Variants in CFAP54 observed in about 807,000 individuals in gnomAD.
CFAP54 encodes cilia- and flagella-associated protein 54.
In CFAP54, 290 loss-of-function variants were observed where a neutral mutation model predicts 370.4. The ratio of observed to expected loss-of-function variants is 0.78; its 90% CI spans 0.71 to 0.86. The LOEUF (loss-of-function observed/expected upper bound fraction) is 0.86. CFAP54 is among the 40% of genes least tolerant of loss of function. CFAP54 has a pLI of 0.00. For missense variants in CFAP54, 3,399 were observed against 3,528.7 expected, an observed-to-expected ratio of 0.96 and a Z score of 0.93; for synonymous variants, 1,206 against 1,236.5, an observed-to-expected ratio of 0.98 and a Z score of 0.52.
Position 96,691,144 on chromosome 12 carries a change from C to A in CFAP54, c.6098C>A (p.Thr2033Lys). The A allele has an allele frequency of 2.5e-6, 4 of 1,613,248 alleles. No homozygotes were observed. Among genetic ancestry groups the A allele is most frequent in the Non-Finnish European group, 3.4e-6 (4 of 1,179,610 alleles). ...CATTTTCAGGGTTTGCTTAGAACAA[C>A]ACTTCCACATCCCAAAGCTGAACGT... Reference protein sequence around the residue: ...ALLFQGLLRTTLPHPKAERCY... With the variant: ...ALLFQGLLRTKLPHPKAERCY... The change falls in exon 44 of 68, where the codon ACA (threonine) becomes AAA (lysine). Residue 2033 changes from threonine (T) to lysine (K), a missense_variant. This residue lies in a region of CFAP54 where 2,796 missense variants were observed against 2,869.7 expected (regional missense o/e 0.97). Coordinates refer to ENST00000524981, the MANE Select transcript of CFAP54 (RefSeq NM_001306084.2).
At chr12:96,511,184 A>G (rs1267142802) in intron 4 of CFAP54, among the ~76,000 whole-genome samples, 3 of 152,148 alleles carry the variant, frequency 2.0e-5, no homozygotes, top group Non-Finnish European at 4.4e-5. Context: ...AATTTAGGGT[A>G]CTATACATTT....
chr12:96,509,653 T>G (rs888599078), intron 4 of CFAP54, among the ~76,000 whole-genome samples: 10 of 151,930 alleles, frequency 6.6e-5, no homozygotes, highest in African/African-American at 2.4e-4. Flanking sequence ...GGGTCTCTAC[T>G]AAAAGTACAA....
At chr12:96,554,600 G>A in intron 16 of CFAP54, 76 bp from the exon 17 acceptor site, 1 of 1,330,130 alleles carries the variant, frequency 7.5e-7, no homozygotes, top group Non-Finnish European at 1.0e-6. Flanking sequence ...GATAACTTGA[G>A]TGATAATAGT....
chr12:96,809,180 T>C (rs1161361747), intron 63 of CFAP54, among the ~76,000 whole-genome samples: 1 of 152,172 alleles, frequency 6.6e-6, no homozygotes, highest in East Asian at 1.9e-4. Context: ...CTTTCATCTG[T>C]TGTGCTGGAT....
In CFAP54 at chr12:96,658,351, G is replaced by GTTCTA; in HGVS notation, c.5460+7_5460+8insCTATT. 6.2e-7 allele frequency: 1 copy of GTTCTA among 1,611,324 alleles called. No homozygotes were observed. The highest frequency in any genetic ancestry group is 8.5e-7 in the Non-Finnish European group (1 of 1,178,416). The stretch of plus-strand genomic sequence containing the variant: ...GAGGCTGAATATGGAGAGAAGGTAA[G>GTTCTA]TTTAAGTTAGTTCTATTATTCATGC... On this transcript the variant is annotated splice_donor_region_variant and intron_variant, in intron 38 of 67. Transcript: ENST00000524981.
At chr12:96,771,534 C>T (rs984010131) in intron 60 of CFAP54, among the ~76,000 whole-genome samples, 1 of 152,174 alleles carries the variant, frequency 6.6e-6, no homozygotes, top group African/African-American at 2.4e-5. Flanking sequence ...CCCCTGTAGT[C>T]CCAGCTACTC....
At chr12:96,787,952 G>A (rs1403022910) in intron 62 of CFAP54, among the ~76,000 whole-genome samples, 4 of 148,516 alleles carry the variant, frequency 2.7e-5, no homozygotes, top group East Asian at 2.0e-4. Flanking sequence ...TCTCTCTGTC[G>A]CCCAGCCTGA....
At chr12:96,722,035 C>A (rs764946807) in intron 50 of CFAP54, among the ~76,000 whole-genome samples, 1 of 152,160 alleles carries the variant, frequency 6.6e-6, no homozygotes, top group Non-Finnish European at 1.5e-5. Flanking sequence ...CCTGAGCAAG[C>A]AGATAAGAAA....
At chr12:96,635,802 A>G (rs1956657853) in intron 32 of CFAP54, among the ~76,000 whole-genome samples, 2 of 152,268 alleles carry the variant, frequency 1.3e-5, no homozygotes, top group Admixed American at 1.3e-4. Flanking sequence ...TATAAAAGAT[A>G]CAAATGAATA....
chr12:96,574,179 A>G lies in CFAP54; in HGVS notation c.2620-2406A>G, dbSNP rs575014287. ...AGCTTTAAATATGACTCCAACGCGTACTCAGATCCTATCTCCAGTTTTTTA... is the reference window on the plus strand; with the variant it reads ...AGCTTTAAATATGACTCCAACGCGTGCTCAGATCCTATCTCCAGTTTTTTA... On this transcript the variant is annotated intron_variant, in intron 19 of 67. Transcript: ENST00000524981. Among the ~76,000 whole-genome samples, 3 of 152,242 alleles carry G rather than the reference A, an allele frequency of 2.0e-5. No homozygotes were observed. The South Asian group carries it at 6.2e-4, about 32-fold the overall frequency.
rs753204893 is a variant in CFAP54, at chr12:96,756,487, G to A, written c.7870G>A (p.Glu2624Lys). 4.4e-6 allele frequency: 7 copies of A among 1,602,196 alleles called. 1 individual carries two copies. The South Asian group carries it at 7.8e-5, about 18-fold the overall frequency. The part of the protein sequence containing the change: ...GKIERQILME[E>K]KSPSFQLESL... ...AATAGAACGTCAAATACTAATGGAA[G>A]AGAAATCTCCAAGTTTTCAACTTGA... The change falls in exon 57 of 68, where the codon GAG becomes AAG. Residue 2624 changes from glutamate (E) to lysine (K), a missense_variant. This residue lies in a region of CFAP54 where 2,796 missense variants were observed against 2,869.7 expected (regional missense o/e 0.97). Coordinates refer to ENST00000524981, the MANE Select transcript of CFAP54 (RefSeq NM_001306084.2).
At position 96,708,044 on chromosome 12, in the gene CFAP54, A is replaced by C. The variant is rs578259154; in HGVS notation, c.6529-564A>C. 5.3e-5 allele frequency among the ~76,000 whole-genome samples: 8 copies of C among 152,250 alleles called. 1 individual carries two copies. Among genetic ancestry groups the C allele is most frequent in the African/African-American group, 1.9e-4 (8 of 41,544 alleles). ...ATTTTCTCCAGCCGTTTTCCACCCC[A>C]GGGATGCAGACCATAAGAGGGCTCA... On this transcript the variant is annotated intron_variant, in intron 47 of 67. Coordinates refer to ENST00000524981, the MANE Select transcript of CFAP54 (RefSeq NM_001306084.2).
intron 50 of CFAP54, among the ~76,000 whole-genome samples, chr12:96,735,171 G>A (rs1957964347): frequency 6.6e-6 from 1 of 152,114 alleles, no homozygotes; most frequent in South Asian, 2.1e-4. Context: ...GCTCCCCACG[G>A]AGATAGAAAA....
At chr12:96,764,816 A>C (rs562214102) in intron 59 of CFAP54, among the ~76,000 whole-genome samples, 1 of 152,290 alleles carries the variant, frequency 6.6e-6, no homozygotes. Context: ...TTTGGCAACT[A>C]TCTGTCATAG....
rs1956699186 is a variant in CFAP54, at chr12:96,639,376, C to A, written c.4317-4802C>A. Among the ~76,000 whole-genome samples the A allele has an allele frequency of 3.9e-5, 6 of 152,216 alleles. No homozygotes were observed. The South Asian group carries it at 1.2e-3, about 32-fold the overall frequency. ...CACATACACTCTCCCAAGACTAAACCAGGAAGAAGTTGAATCTCTGAATAG... is the reference window on the plus strand; with the variant it reads ...CACATACACTCTCCCAAGACTAAACAAGGAAGAAGTTGAATCTCTGAATAG... On this transcript the variant is annotated intron_variant, in intron 32 of 67. Transcript: ENST00000524981.
At chr12:96,551,631 CAT>C (rs758827110) in intron 15 of CFAP54, among the ~76,000 whole-genome samples, 7 of 152,106 alleles carry the variant, frequency 4.6e-5, no homozygotes, top group Non-Finnish European at 8.8e-5. Flanking sequence ...GAAAGGAAAA[CAT>C]GTGACTACTT....
chr12:96,494,671 G>A (rs986659869), intron 1 of CFAP54, among the ~76,000 whole-genome samples: 2 of 152,116 alleles, frequency 1.3e-5, no homozygotes, highest in African/African-American at 4.8e-5. Context: ...GTAGAGACCA[G>A]TTAGGAGTAC....
intron 39 of CFAP54, among the ~76,000 whole-genome samples, chr12:96,664,789 A>ATATC (rs1957057590): frequency 5.8e-5 from 1 of 17,356 alleles, no homozygotes. Context: ...ATATATATAT[A>ATATC]TATATATATA....
intron 50 of CFAP54, among the ~76,000 whole-genome samples, chr12:96,734,135 T>A (rs2136631460): frequency 6.6e-6 from 1 of 152,320 alleles, no homozygotes; most frequent in South Asian, 2.1e-4. Context: ...TTTCTACAAA[T>A]ATCTAAACCA....
Sources: allele counts gnomAD v4.1 joint callset (sites outside exome capture counted in the v4.1 genomes callset), GRCh38; gene constraint gnomAD v4.1.1; regional missense constraint gnomAD v4.1.1; transcripts MANE v1.5; gene names NCBI Gene and HGNC (gene_info 2026-07-23, HGNC 2026-07-21).